ADK: variants seen among roughly 807,000 people sequenced by gnomAD.
ADK encodes N6,N6-dimethyladenosine kinase.
Under a neutral mutation model 44.7 loss-of-function variants are expected in ADK, and 24 were observed. The ratio of observed to expected loss-of-function variants is 0.54; its 90% confidence interval spans 0.39 to 0.76. The LOEUF is 0.76. ADK is among the 30% of genes least tolerant of loss of function. The pLI is 0.00. For synonymous variants in ADK, 128 were observed against 142.6 expected (o/e 0.90, Z 0.73); for missense variants, 321 against 425.1 (o/e 0.76, Z 2.15).
intron 6 of ADK, among the ~76,000 whole-genome samples, chr10:74,440,840 T>C (rs1415240468): frequency 6.6e-6 from 1 of 152,186 alleles, no homozygotes; most frequent in Non-Finnish European, 1.5e-5. Flanking sequence ...CATCAGATGT[T>C]AAACTTACTT....
intron 6 of ADK, among the ~76,000 whole-genome samples, chr10:74,490,334 A>G (rs752291422): frequency 6.6e-6 from 1 of 152,120 alleles, no homozygotes; most frequent in African/African-American, 2.4e-5. Context: ...GTAATGTGTT[A>G]TGCAATTAAT....
chr10:74,473,570 G>A (rs150592930), intron 6 of ADK, among the ~76,000 whole-genome samples: 6 of 152,294 alleles, frequency 3.9e-5, no homozygotes, highest in African/African-American at 1.4e-4. Context: ...ATAGTTTGTA[G>A]GATATCTTTC....
intron 2 of ADK, among the ~76,000 whole-genome samples, chr10:74,216,747 AAG>A (rs1319817879): frequency 1.3e-5 from 2 of 152,004 alleles, no homozygotes; most frequent in African/African-American, 4.8e-5. Context: ...AAAAAAAAAA[AAG>A]TTTCACAGAC....
intron 6 of ADK, among the ~76,000 whole-genome samples, chr10:74,499,780 A>T (rs1847829758): frequency 6.6e-6 from 1 of 152,170 alleles, no homozygotes; most frequent in African/African-American, 2.4e-5. Flanking sequence ...AAGAAATTGG[A>T]AACAAATTCA....
At chr10:74,635,663 AG>A (rs1465631197) in intron 9 of ADK, among the ~76,000 whole-genome samples, 4 of 152,162 alleles carry the variant, frequency 2.6e-5, no homozygotes, top group African/African-American at 7.2e-5. Context: ...ACATTAAGGT[AG>A]TACGTTGGCT....
intron 10 of ADK, among the ~76,000 whole-genome samples, chr10:74,681,513 A>G (rs1855596779): frequency 6.6e-6 from 1 of 152,208 alleles, no homozygotes; most frequent in African/African-American, 2.4e-5. Flanking sequence ...TACTGAATTC[A>G]TGAAGCAGCA....
At chr10:74,525,463 T>G (rs1444345484) in intron 7 of ADK, 37 bp downstream of exon 7, 1 of 1,561,156 alleles carries the variant, frequency 6.4e-7, no homozygotes, top group South Asian at 1.1e-5. Context: ...AACCTGGGGG[T>G]TTTTTGTTTG....
At chr10:74,363,477 C>T (rs965105729) in intron 4 of ADK, among the ~76,000 whole-genome samples, 9 of 152,132 alleles carry the variant, frequency 5.9e-5, no homozygotes, top group Admixed American at 1.3e-4. Flanking sequence ...CTCAGATGGG[C>T]GTATGTCTCC....
chr10:74,298,731 C>T (rs1839900247), intron 3 of ADK, among the ~76,000 whole-genome samples: 1 of 150,946 alleles, frequency 6.6e-6, no homozygotes, highest in Non-Finnish European at 1.5e-5. Flanking sequence ...AATGGCAAGA[C>T]CCTATCTCTA....
intron 4 of ADK, among the ~76,000 whole-genome samples, chr10:74,363,028 A>G (rs1436509805): frequency 6.6e-6 from 1 of 152,130 alleles, no homozygotes; most frequent in Admixed American, 6.5e-5. Flanking sequence ...GCGTCTTTGG[A>G]ATCTACTGTG....
intron 6 of ADK, among the ~76,000 whole-genome samples, chr10:74,408,639 T>C (rs1488481644): frequency 1.3e-5 from 2 of 152,192 alleles, no homozygotes; most frequent in African/African-American, 4.8e-5. Flanking sequence ...TAGTAGTTAA[T>C]TGGAAGCCTT....
chr10:74,634,215 T>A (rs4746210), intron 9 of ADK, among the ~76,000 whole-genome samples: 9,616 of 152,180 alleles, frequency 0.063, 505 homozygotes, highest in African/African-American at 0.14. Context: ...TTATTTATTT[T>A]TTTTTTTTGA....
intron 10 of ADK, among the ~76,000 whole-genome samples, chr10:74,707,514 G>A (rs185057237): frequency 6.6e-6 from 1 of 152,216 alleles, no homozygotes; most frequent in Admixed American, 6.5e-5. Flanking sequence ...TGTAATCCCA[G>A]CACTTTGGGA....
chr10:74,618,094 G>A (rs932382304), intron 9 of ADK, among the ~76,000 whole-genome samples: 12 of 138,628 alleles, frequency 8.7e-5, no homozygotes, highest in African/African-American at 3.7e-4. Flanking sequence ...CAACCTTTCT[G>A]TGTTCTTATA....
At chr10:74,687,968 C>A (rs1257799613) in intron 10 of ADK, among the ~76,000 whole-genome samples, 2 of 152,188 alleles carry the variant, frequency 1.3e-5, no homozygotes, top group Non-Finnish European at 2.9e-5. Flanking sequence ...TGCTTACAAC[C>A]TTTCCGTTGC....
chr10:74,483,770 A>G (rs1342192676), intron 6 of ADK, among the ~76,000 whole-genome samples: 1 of 152,216 alleles, frequency 6.6e-6, no homozygotes. Context: ...AAGAAGGAGC[A>G]CAATGCTGCT....
At chr10:74,310,387 G>A (rs1840393480) in intron 3 of ADK, among the ~76,000 whole-genome samples, 1 of 152,118 alleles carries the variant, frequency 6.6e-6, no homozygotes. Flanking sequence ...CTACTTAGGA[G>A]TTCCTTTTCC....
chr10:74,490,534 A>G (rs1847439131), intron 6 of ADK, among the ~76,000 whole-genome samples: 1 of 152,150 alleles, frequency 6.6e-6, no homozygotes, highest in Admixed American at 6.6e-5. Flanking sequence ...AAGTTGCCAC[A>G]ATTAGAACAG....
rs1224214302 is a variant in ADK, at chr10:74,625,059, C to A, written c.877+24566C>A. ...AATTCATTATGGTTTTATTGAGTGC[C>A]TACTGTATGTCAAGAATTGTGGTTA... On this transcript the variant is annotated intron_variant, in intron 9 of 10. Coordinates refer to ENST00000539909, the MANE Select transcript of ADK (RefSeq NM_006721.4). Among the ~76,000 whole-genome samples the A allele has an allele frequency of 3.3e-5, 5 of 152,094 alleles. No homozygotes were observed. In the East Asian group the frequency reaches 9.6e-4, roughly 29 times the overall value.
Sources: allele counts gnomAD v4.1 joint callset (sites outside exome capture counted in the v4.1 genomes callset), GRCh38; gene constraint gnomAD v4.1.1; transcripts MANE v1.5; gene names NCBI Gene and HGNC (gene_info 2026-07-23, HGNC 2026-07-21).